SPMIP3: variants seen among roughly 807,000 people sequenced by gnomAD.
The protein encoded by SPMIP3 is sperm microtubule inner protein 3, also known as protein SPMIP3.
chr1:244,357,391 A>C, the SPMIP3 span, among the ~76,000 whole-genome samples: 2 of 152,034 alleles, frequency 1.3e-5, no homozygotes, highest in African/African-American at 4.8e-5. Flanking sequence ...ACTAAACAAC[A>C]CAAAGGAATG....
the SPMIP3 span, among the ~76,000 whole-genome samples, chr1:244,369,153 C>T: frequency 2.6e-5 from 4 of 151,666 alleles, no homozygotes; most frequent in South Asian, 2.1e-4. Flanking sequence ...AGCCAGACTC[C>T]GTCTCAAAAA....
At chr1:244,384,951 G>A in the SPMIP3 span, among the ~76,000 whole-genome samples, 1 of 152,168 alleles carries the variant, frequency 6.6e-6, no homozygotes, top group East Asian at 1.9e-4. Context: ...ACCCAGGCTG[G>A]AGTGCAGTGG....
At chr1:244,380,648 CAG>C in the SPMIP3 span, among the ~76,000 whole-genome samples, 1 of 152,316 alleles carries the variant, frequency 6.6e-6, no homozygotes, top group Middle Eastern at 3.4e-3. Flanking sequence ...GTGCTTGACT[CAG>C]AAGCTACAGA....
chr1:244,368,383 C>T, the SPMIP3 span, among the ~76,000 whole-genome samples: 1 of 152,240 alleles, frequency 6.6e-6, no homozygotes, highest in Non-Finnish European at 1.5e-5. Context: ...TTAACCTTCA[C>T]TACTGTGAGT....
At chr1:244,380,117 GTTTT>G in the SPMIP3 span, among the ~76,000 whole-genome samples, 1 of 132,174 alleles carries the variant, frequency 7.6e-6, no homozygotes, top group African/African-American at 2.8e-5. Flanking sequence ...CATTCACAGA[GTTTT>G]TCTTTTTTTT....
the SPMIP3 span, among the ~76,000 whole-genome samples, chr1:244,373,322 C>CA: frequency 0.02 from 948 of 48,594 alleles, 49 homozygotes; most frequent in African/African-American, 0.069. Flanking sequence ...AGTGAAACTA[C>CA]AAAAAAAAAT....
At chr1:244,370,378 C>T in the SPMIP3 span, among the ~76,000 whole-genome samples, 2 of 152,314 alleles carry the variant, frequency 1.3e-5, no homozygotes, top group South Asian at 4.1e-4. Context: ...TCTGGACTTA[C>T]TAGCTCATGT....
At chr1:244,364,843 A>T in the SPMIP3 span, 1 of 1,344,360 alleles carries the variant, frequency 7.4e-7, no homozygotes, top group Non-Finnish European at 1.1e-6. Flanking sequence ...CCTGCTGCTC[A>T]GTGGTCCAGA....
the SPMIP3 span, among the ~76,000 whole-genome samples, chr1:244,359,520 G>A: frequency 2.6e-5 from 4 of 152,040 alleles, no homozygotes; most frequent in East Asian, 1.9e-4. Flanking sequence ...GCAAAAGTTC[G>A]AGACCAGCCT....
At chr1:244,375,556 C>T in the SPMIP3 span, 2 of 863,272 alleles carry the variant, frequency 2.3e-6, no homozygotes, top group Non-Finnish European at 3.7e-6. Flanking sequence ...TACACTACTC[C>T]TCATAATACT....
chr1:244,379,197 G>A, the SPMIP3 span, among the ~76,000 whole-genome samples: 2 of 151,344 alleles, frequency 1.3e-5, no homozygotes, highest in Non-Finnish European at 2.9e-5. Context: ...CAAAGTGCTA[G>A]GATTACAGGC....
the SPMIP3 span, among the ~76,000 whole-genome samples, chr1:244,372,605 G>A: frequency 6.6e-6 from 1 of 151,910 alleles, no homozygotes; most frequent in Non-Finnish European, 1.5e-5. Context: ...CACCACACCT[G>A]GCTAATTTTT....
chr1:244,368,377 C>T, the SPMIP3 span, among the ~76,000 whole-genome samples: 46,095 of 152,098 alleles, frequency 0.3, 7,605 homozygotes, highest in East Asian at 0.49. Context: ...ACTCCTTTAA[C>T]CTTCACTACT....
the SPMIP3 span, among the ~76,000 whole-genome samples, chr1:244,387,029 C>T: frequency 1.3e-5 from 2 of 152,186 alleles, no homozygotes; most frequent in Non-Finnish European, 2.9e-5. Flanking sequence ...TGCAGCCGGG[C>T]GCAGTGGCTC....
the SPMIP3 span, among the ~76,000 whole-genome samples, chr1:244,382,626 C>T: frequency 8.9e-5 from 9 of 100,676 alleles, no homozygotes; most frequent in African/African-American, 3.0e-4. Flanking sequence ...TTTTTTGAGA[C>T]GGAGTGTTGC....
chr1:244,357,949 G>T, the SPMIP3 span, among the ~76,000 whole-genome samples: 35 of 152,180 alleles, frequency 2.3e-4, no homozygotes, highest in African/African-American at 7.9e-4. Context: ...TTAGCTGAGT[G>T]TGGTGGCATG....
the SPMIP3 span, among the ~76,000 whole-genome samples, chr1:244,380,777 G>A: frequency 2.0e-5 from 3 of 152,126 alleles, no homozygotes; most frequent in Non-Finnish European, 4.4e-5. Context: ...CCTGGGCTGG[G>A]CCCCTGGGTC....
At chr1:244,353,714 A>C in the SPMIP3 span, among the ~76,000 whole-genome samples, 1 of 152,168 alleles carries the variant, frequency 6.6e-6, no homozygotes, top group Admixed American at 6.5e-5. Flanking sequence ...AAAAAGAAAG[A>C]GTATTCAGGC....
At chr1:244,377,650 T>C in the SPMIP3 span, among the ~76,000 whole-genome samples, 1 of 152,164 alleles carries the variant, frequency 6.6e-6, no homozygotes, top group African/African-American at 2.4e-5. Context: ...CCAGTGAAGG[T>C]ATACTGCCAC....
Sources: allele counts gnomAD v4.1 joint callset (sites outside exome capture counted in the v4.1 genomes callset), GRCh38; gene constraint gnomAD v4.1.1; transcripts MANE v1.5; gene names NCBI Gene and HGNC (gene_info 2026-07-23, HGNC 2026-07-21).